Variants in TARDBP observed in about 807,000 individuals in gnomAD.
TARDBP encodes the protein TAR DNA-binding protein 43.
TARDBP carries 4 observed loss-of-function variants against 38.3 expected under a neutral mutation model. The ratio of observed to expected loss-of-function variants is 0.10; its 90% CI spans 0.05 to 0.24. TARDBP has a LOEUF of 0.24. Among genes scored for constraint, TARDBP ranks in the 10% least tolerant of loss-of-function variants. TARDBP has a pLI of 1.00. For missense variants in TARDBP, 202 were observed against 521.9 expected (o/e 0.39, Z 5.97); for synonymous variants, 184 against 183.8 (o/e 1.00, Z -0.01).
chr1:11,030,005 CTG>C, downstream of TARDBP: 1 of 551,224 alleles, frequency 1.8e-6, no homozygotes, highest in Non-Finnish European at 3.2e-6. Flanking sequence ...CTAACAACCT[CTG>C]TATATGGGAA....
At chr1:11,030,228 A>C (rs564125125), downstream of TARDBP, 1 of 1,613,792 alleles carries the variant, frequency 6.2e-7, no homozygotes, top group Non-Finnish European at 8.5e-7. Context: ...TCCAGAATCC[A>C]TCAGCCTCAC....
intron 5 of TARDBP, among the ~76,000 whole-genome samples, chr1:11,021,391 T>TCAGCC: frequency 6.6e-6 from 1 of 152,296 alleles, no homozygotes; most frequent in South Asian, 2.1e-4. Context: ...TCTGCCCATC[T>TCAGCC]CAGCCTCCCA....
At chr1:11,027,612 A>G (rs781411108), downstream of TARDBP, 27 of 1,613,962 alleles carry the variant, frequency 1.7e-5, no homozygotes, top group South Asian at 2.5e-4. Flanking sequence ...CCCTCCATAT[A>G]TACGCCCTCC....
Position 11,020,556 on chromosome 1 carries a change from A to G in TARDBP, c.671A>G (p.Lys224Arg). 1 of 1,613,974 alleles carries G rather than the reference A, an allele frequency of 6.2e-7. No homozygotes were observed. The highest frequency in any genetic ancestry group is 8.5e-7 in the Non-Finnish European group (1 of 1,179,886). ...YGDVMDVFIP[K>R]PFRAFAFVTF... ...GATGTGATGGATGTCTTCATCCCCA[A>G]GCCATTCAGGGCCTTTGCCTTTGTT... The change falls in exon 5 of 6, where the codon AAG (lysine) becomes AGG (arginine). Residue 224 changes from lysine to arginine, a missense_variant. Physicochemically the swap from Lys to Arg is conservative, Grantham distance 26. This residue lies in a region of TARDBP where 12 missense variants were observed against 97.3 expected (regional missense o/e 0.12). Transcript: ENST00000240185.
chr1:11,029,906 G>A (rs898621807), downstream of TARDBP: 4 of 270,888 alleles, frequency 1.5e-5, no homozygotes, highest in Non-Finnish European at 2.8e-5. Context: ...TTACAGGCGT[G>A]AGCCACACCT....
At chr1:11,027,655 A>G (rs1570732934), downstream of TARDBP, 2 of 1,589,948 alleles carry the variant, frequency 1.3e-6, no homozygotes, top group African/African-American at 1.4e-5. Flanking sequence ...CAAACTGGAG[A>G]AAGAAGCAGA....
chr1:11,024,165 TAAAC>T lies in TARDBP; in HGVS notation c.*1512_*1515del, dbSNP rs1643688947. ...TGGCAGTAGTTTATTTTGCTTCAAA[TAAAC>T]TTATTTGAAAAGTTGTCTCAAGTCA... On this transcript the variant is annotated 3_prime_UTR_variant, in exon 6 of 6. Coordinates refer to ENST00000240185, the MANE Select transcript of TARDBP (RefSeq NM_007375.4). The T allele has an allele frequency of 6.6e-6, 1 of 152,634 alleles. No individual in the cohort carries two copies. The highest frequency in any genetic ancestry group is 1.5e-5 in the Non-Finnish European group (1 of 68,046). 9.5% of individuals were successfully genotyped at this position (152,634 alleles called of 1,614,324 possible). A position where few individuals can be genotyped will look rare whatever the true frequency, so the allele number is the denominator to read the frequency against.
downstream of TARDBP, chr1:11,027,623 TG>T: frequency 3.7e-6 from 6 of 1,612,538 alleles, no homozygotes; most frequent in Non-Finnish European, 5.1e-6. Context: ...TACGCCCTCC[TG>T]TTGTGCGGGC....
chr1:11,017,944 A>G (rs902739295), intron 3 of TARDBP, among the ~76,000 whole-genome samples: 3 of 151,722 alleles, frequency 2.0e-5, no homozygotes, highest in Admixed American at 6.6e-5. Context: ...GTGCAGTGGC[A>G]TGATCTCGGC....
chr1:11,015,366 G>C (rs1277301469), intron 2 of TARDBP, among the ~76,000 whole-genome samples: 1 of 151,810 alleles, frequency 6.6e-6, no homozygotes, highest in Non-Finnish European at 1.5e-5. Flanking sequence ...CGCGCCTGTA[G>C]TCTCAGTTAT....
chr1:11,030,318 C>T (rs1643822672), downstream of TARDBP: 14 of 1,086,538 alleles, frequency 1.3e-5, no homozygotes, highest in Admixed American at 2.4e-4. Flanking sequence ...TGCTTGAATA[C>T]CCCCTTGAAA....
chr1:11,030,124 C>G, downstream of TARDBP: 3 of 1,346,224 alleles, frequency 2.2e-6, no homozygotes, highest in South Asian at 1.2e-5. Flanking sequence ...TGTCTCCTAC[C>G]CAGTCCTCCT....
At chr1:11,026,873 C>T, downstream of TARDBP, 1 of 1,471,970 alleles carries the variant, frequency 6.8e-7, no homozygotes, top group Non-Finnish European at 9.0e-7. Flanking sequence ...TCCTTGACTG[C>T]AGACACGCAA....
chr1:11,013,419 C>T (rs1334487911), intron 1 of TARDBP, among the ~76,000 whole-genome samples: 3 of 146,828 alleles, frequency 2.0e-5, no homozygotes, highest in Non-Finnish European at 3.0e-5. Context: ...CCTTGCATAC[C>T]CTAGCTTGTA....
At chr1:11,016,382 G>A (rs961093793) in intron 2 of TARDBP, 2 of 181,410 alleles carry the variant, frequency 1.1e-5, no homozygotes, top group Non-Finnish European at 2.3e-5. Context: ...GACTCAAGTC[G>A]TCCTTCCTCC....
chr1:11,020,283 C>A (rs1280578377), intron 4 of TARDBP, 146 bp from the exon 5 acceptor site: 2 of 901,144 alleles, frequency 2.2e-6, no homozygotes, highest in Non-Finnish European at 3.5e-6. Context: ...AAAAGAAATG[C>A]TGATGGAAAA....
At position 11,020,682 on chromosome 1, in the gene TARDBP, T is replaced by A. The variant is rs909403652; in HGVS notation, c.714+83T>A. On this transcript the variant is annotated intron_variant, in intron 5 of 5. Transcript: ENST00000240185. ...CCAGCACTTTGGAGGCCGAGGCGGGTGGATCACGAGGTCAGGAGATCAAGA... is the reference window on the plus strand; with the variant it reads ...CCAGCACTTTGGAGGCCGAGGCGGGAGGATCACGAGGTCAGGAGATCAAGA... 5.3e-6 allele frequency: 8 copies of A among 1,498,446 alleles called. No individual in the cohort carries two copies. The South Asian group carries it at 9.1e-5, about 17-fold the overall frequency. 92.8% of individuals were successfully genotyped at this position (1,498,446 alleles called of 1,614,324 possible). A position where few individuals can be genotyped will look rare whatever the true frequency, so the allele number is the denominator to read the frequency against.
At chr1:11,017,491 G>A (rs577861774) in intron 3 of TARDBP, among the ~76,000 whole-genome samples, 27 of 152,096 alleles carry the variant, frequency 1.8e-4, no homozygotes, top group African/African-American at 4.8e-4. Context: ...GTGAGCCACC[G>A]CGCCCGGCCA....
At position 11,014,853 on chromosome 1, in the gene TARDBP, C is replaced by T. The variant is rs144628752; in HGVS notation, c.238+888C>T. On this transcript the variant is annotated intron_variant, in intron 2 of 5. Coordinates refer to ENST00000240185, the MANE Select transcript of TARDBP (RefSeq NM_007375.4). ...TCAGGAGGCAGACGCAGGAGAATCG[C>T]TTGAACCGGGAGGCAGAGGTTGCAG... 1.5e-3 allele frequency among the ~76,000 whole-genome samples: 222 copies of T among 152,256 alleles called. 2 individuals carry two copies. Among genetic ancestry groups the T allele is most frequent in the African/African-American group, 5.2e-3 (216 of 41,536 alleles).
Sources: allele counts gnomAD v4.1 joint callset (sites outside exome capture counted in the v4.1 genomes callset), GRCh38; gene constraint gnomAD v4.1.1; regional missense constraint gnomAD v4.1.1; transcripts MANE v1.5; gene names NCBI Gene and HGNC (gene_info 2026-07-23, HGNC 2026-07-21).